The following AP4E1 variants were observed in gnomAD, a reference collection of about 807,000 sequenced individuals.
AP4E1 encodes AP-4 complex subunit epsilon-1.
Under a neutral mutation model 128.2 loss-of-function variants are expected in AP4E1, and 56 were observed. That is an observed-to-expected ratio of 0.44 (90% CI 0.35 to 0.55). The LOEUF is 0.55. AP4E1 is among the 20% of genes least tolerant of loss of function. AP4E1 has a pLI of 0.00. For missense variants in AP4E1, 1,324 were observed against 1,307.7 expected, an observed-to-expected ratio of 1.01 and a Z score of -0.19; for synonymous variants, 484 against 473.1, an observed-to-expected ratio of 1.02 and a Z score of -0.30.
chr15:50,977,342 C>A (rs1424210273), intron 15 of AP4E1, among the ~76,000 whole-genome samples: 2 of 152,154 alleles, frequency 1.3e-5, no homozygotes, highest in Non-Finnish European at 2.9e-5. Context: ...ATAGCTGACA[C>A]AAATACAAGA....
At chr15:50,956,020 A>G (rs2064218287) in intron 13 of AP4E1, among the ~76,000 whole-genome samples, 1 of 152,160 alleles carries the variant, frequency 6.6e-6, no homozygotes. Context: ...GTCTGTGCCC[A>G]TTGGCATTTC....
chr15:50,991,671 T>C (rs183277817), intron 16 of AP4E1, among the ~76,000 whole-genome samples: 8 of 152,292 alleles, frequency 5.3e-5, no homozygotes, highest in African/African-American at 1.9e-4. Flanking sequence ...CTTTAGGGCA[T>C]TTTTTATTAA....
At chr15:50,976,992 T>C (rs1391765729) in intron 15 of AP4E1, among the ~76,000 whole-genome samples, 1 of 152,214 alleles carries the variant, frequency 6.6e-6, no homozygotes, top group Non-Finnish European at 1.5e-5. Flanking sequence ...ACTAATGTAC[T>C]ATAAAATTTA....
At chr15:51,000,141 CTTT>C (rs11383470) in intron 19 of AP4E1, among the ~76,000 whole-genome samples, 1 of 120,816 alleles carries the variant, frequency 8.3e-6, no homozygotes, top group Non-Finnish European at 1.6e-5. Context: ...TTTGTTCATT[CTTT>C]TTTTTTTTTT....
At chr15:50,920,234 C>A (rs1164268296) in intron 3 of AP4E1, among the ~76,000 whole-genome samples, 3 of 150,986 alleles carry the variant, frequency 2.0e-5, no homozygotes, top group Non-Finnish European at 3.0e-5. Flanking sequence ...CTGCCTCAGC[C>A]TCCCAAGTAG....
At position 50,908,840 on chromosome 15, in the gene AP4E1, C is replaced by G. The variant is rs765289252; in HGVS notation, c.62C>G (p.Pro21Arg). Residue 21 changes from proline to arginine, a missense_variant, in exon 1 of 21, where the codon CCC becomes CGC. Transcript: ENST00000261842. The stretch of plus-strand genomic sequence containing the variant: ...CCGGGACTCTTTCTGCAGAACCAGC[C>G]CGGTGGTGGGCCCGCGGCCGCCAAG... ...ALPGLFLQNQ[P>R]GGGPAAAKAS... The G allele has an allele frequency of 3.1e-6, 5 of 1,608,462 alleles. No homozygotes were observed. The highest frequency in any genetic ancestry group is 4.5e-5 in the East Asian group (2 of 44,716).
At chr15:50,960,208 C>CAGAT (rs2064292212) in intron 14 of AP4E1, among the ~76,000 whole-genome samples, 1 of 152,106 alleles carries the variant, frequency 6.6e-6, no homozygotes, top group African/African-American at 2.4e-5. Context: ...CGGAATAAGA[C>CAGAT]AGATCATCTA....
chr15:50,951,635 T>G (rs531123918), intron 13 of AP4E1, among the ~76,000 whole-genome samples: 5 of 152,252 alleles, frequency 3.3e-5, no homozygotes, highest in Admixed American at 6.5e-5. Context: ...GATTTTTACT[T>G]AAAAATTTTT....
intron 16 of AP4E1, among the ~76,000 whole-genome samples, chr15:50,984,520 A>G (rs995488155): frequency 7.8e-6 from 1 of 128,054 alleles, no homozygotes; most frequent in Non-Finnish European, 1.5e-5. Flanking sequence ...AAGTGTTCTC[A>G]ATGTTCAATT....
Position 50,919,535 on chromosome 15 carries a change from AAAATAAATAAATAAATAAAT to A in AP4E1, c.346+3987_346+4006del, listed in dbSNP as rs68106715. Among the ~76,000 whole-genome samples, 30 of 147,600 alleles carry A rather than the reference AAAATAAATAAATAAATAAAT, an allele frequency of 2.0e-4. No individual in the cohort carries two copies. The East Asian group carries it at 2.8e-3, about 14-fold the overall frequency. ...CTACAAGAGTGAAATTCCATCTCAA[AAAATAAATAAATAAATAAAT>A]AAATAAATAAATAAATAAATAAGTA... On this transcript the variant is annotated intron_variant, in intron 3 of 20. Coordinates refer to ENST00000261842, the MANE Select transcript of AP4E1 (RefSeq NM_007347.5).
At chr15:50,944,041 A>T (rs1163855075) in intron 10 of AP4E1, among the ~76,000 whole-genome samples, 1 of 152,188 alleles carries the variant, frequency 6.6e-6, no homozygotes, top group Non-Finnish European at 1.5e-5. Context: ...TAAAAATCAG[A>T]GTCAAAGGGA....
At chr15:50,963,067 T>G (rs1285775998) in intron 14 of AP4E1, among the ~76,000 whole-genome samples, 1 of 152,040 alleles carries the variant, frequency 6.6e-6, no homozygotes, top group African/African-American at 2.4e-5. Context: ...TCAGTTACAA[T>G]GGCTGTTATC....
intron 8 of AP4E1, among the ~76,000 whole-genome samples, chr15:50,939,760 A>T (rs1192667579): frequency 6.6e-6 from 1 of 152,174 alleles, no homozygotes; most frequent in Non-Finnish European, 1.5e-5. Context: ...ATTTAATAGC[A>T]AGAGAGTTCT....
intron 4 of AP4E1, 83 bp downstream of exon 4, chr15:50,924,087 G>A (rs1354871373): frequency 8.6e-7 from 1 of 1,157,312 alleles, no homozygotes; most frequent in African/African-American, 1.5e-5. Context: ...TCAACTAGAT[G>A]AGATTAGAAG....
chr15:50,923,208 A>C (rs1017964973), intron 3 of AP4E1, among the ~76,000 whole-genome samples: 2 of 152,240 alleles, frequency 1.3e-5, no homozygotes, highest in Non-Finnish European at 2.9e-5. Flanking sequence ...ATCAATGTGA[A>C]GCCTGACTGA....
At chr15:50,964,317 T>C (rs1453997177) in intron 14 of AP4E1, among the ~76,000 whole-genome samples, 1 of 152,288 alleles carries the variant, frequency 6.6e-6, no homozygotes, top group East Asian at 1.9e-4. Flanking sequence ...TGAGTTCTGT[T>C]TGTTTCTTAT....
intron 3 of AP4E1, among the ~76,000 whole-genome samples, chr15:50,918,566 T>C (rs2063656424): frequency 6.6e-6 from 1 of 152,218 alleles, no homozygotes; most frequent in African/African-American, 2.4e-5. Context: ...ATTTTTAAAA[T>C]ATGTAAAGCA....
At chr15:50,937,706 G>A (rs1450972923) in intron 8 of AP4E1, among the ~76,000 whole-genome samples, 2 of 152,158 alleles carry the variant, frequency 1.3e-5, no homozygotes, top group African/African-American at 2.4e-5. Flanking sequence ...GATTTAGATA[G>A]GCAGAAGGGA....
Position 50,999,175 on chromosome 15 carries a change from T to G in AP4E1, c.3008T>G (p.Leu1003Arg). Residue 1003 changes from leucine to arginine, a missense_variant, in exon 19 of 21, where the codon CTT (leucine) becomes CGT (arginine). Physicochemically the swap from Leu to Arg is moderately radical, Grantham distance 102 (BLOSUM62 -2). Coordinates refer to ENST00000261842, the MANE Select transcript of AP4E1 (RefSeq NM_007347.5). ...QIEKPFTEGN[L>R]TGFISYHMMD... ...GAAAAACCTTTTACAGAAGGAAATC[T>G]TACTGGTTTTATTAGTTATCATATG... The G allele has an allele frequency of 6.2e-7, 1 of 1,613,874 alleles. No homozygotes were observed. The highest frequency in any genetic ancestry group is 2.2e-5 in the East Asian group (1 of 44,840).
Sources: gnomAD v4.1 joint callset for allele counts (sites outside exome capture counted in the v4.1 genomes callset) on GRCh38, gnomAD v4.1.1 for gene constraint, MANE v1.5 for transcripts, NCBI Gene and HGNC (gene_info 2026-07-23, HGNC 2026-07-21) for gene names.